GLIS3: variants seen among roughly 807,000 people sequenced by gnomAD.
GLIS3 encodes the protein zinc finger protein GLIS3.
A neutral mutation model predicts 78.6 loss-of-function variants in GLIS3; 53 were observed. The observed-to-expected ratio is 0.67, with a 90% CI of 0.54 to 0.85. The LOEUF is 0.85. Among genes scored for constraint, GLIS3 ranks in the 40% least tolerant of loss-of-function variants. GLIS3 has a pLI of 0.00. For missense variants in GLIS3, 1,703 were observed against 1,231.1 expected, an observed-to-expected ratio of 1.38 and a Z score of -5.74; for synonymous variants, 684 against 509.9, an observed-to-expected ratio of 1.34 and a Z score of -4.60.
chr9:4,404,401 C>G, the GLIS3 span, among the ~76,000 whole-genome samples: 3 of 152,070 alleles, frequency 2.0e-5, no homozygotes, highest in Admixed American at 2.0e-4. Context: ...ACATGTCATC[C>G]AACAGCTGCA....
chr9:4,015,232 G>C (rs75769391), intron 4 of GLIS3, among the ~76,000 whole-genome samples: 16 of 152,274 alleles, frequency 1.1e-4, no homozygotes, highest in African/African-American at 2.4e-4. Flanking sequence ...TGTGAGGAAG[G>C]GGGTGTTTGA....
chr9:4,333,054 T>C (rs796664577), intron 2 of GLIS3, among the ~76,000 whole-genome samples: 34 of 152,296 alleles, frequency 2.2e-4, no homozygotes, highest in Middle Eastern at 3.4e-3. Flanking sequence ...AGAACAACCT[T>C]ATGAGACAGG....
At chr9:4,055,466 A>G (rs1008480586) in intron 4 of GLIS3, among the ~76,000 whole-genome samples, 6 of 152,164 alleles carry the variant, frequency 3.9e-5, no homozygotes, top group African/African-American at 1.4e-4. Context: ...AAGATGATCA[A>G]CAGAATAAGT....
chr9:4,074,725 G>C lies in GLIS3; in HGVS notation c.1710+43043C>G, dbSNP rs73392512. Among the ~76,000 whole-genome samples the C allele has an allele frequency of 8.4e-3, 1,285 of 152,228 alleles. 19 individuals are homozygous for C. The highest frequency in any genetic ancestry group is 0.03 in the African/African-American group (1,229 of 41,524). ...TTTTCTTAGATAGCATTAACTTAAA[G>C]CAACATCATAGGACTTAATTTCATT... is the stretch of plus-strand genomic sequence containing the variant. On this transcript the variant is annotated intron_variant, in intron 4 of 10. Coordinates refer to ENST00000381971, the MANE Select transcript of GLIS3 (RefSeq NM_001042413.2).
intron 2 of GLIS3, among the ~76,000 whole-genome samples, chr9:4,158,955 A>G (rs1835252924): frequency 6.7e-6 from 1 of 148,264 alleles, no homozygotes; most frequent in African/African-American, 2.5e-5. Context: ...ACGGGGGCGG[A>G]GTCCCGGGCA....
At chr9:4,387,119 G>A in the GLIS3 span, among the ~76,000 whole-genome samples, 1,836 of 152,252 alleles carry the variant, frequency 0.012, 36 homozygotes, top group African/African-American at 0.042. Context: ...TTCAGGGAGC[G>A]GATACCTACG....
chr9:4,376,745 T>C, the GLIS3 span, among the ~76,000 whole-genome samples: 1 of 135,434 alleles, frequency 7.4e-6, no homozygotes, highest in Non-Finnish European at 1.7e-5. Context: ...TTTTAACCTA[T>C]CAAATATGAG....
intron 4 of GLIS3, chr9:4,081,209 A>G (rs974740128): frequency 6.6e-6 from 1 of 152,290 alleles, no homozygotes; most frequent in Non-Finnish European, 1.5e-5. Flanking sequence ...CAGAGCTGGT[A>G]CAAAAATGAC....
chr9:4,342,808 C>G (rs1817853681), intron 2 of GLIS3, among the ~76,000 whole-genome samples: 1 of 152,126 alleles, frequency 6.6e-6, no homozygotes. Flanking sequence ...AGATCTTTTA[C>G]CTCCCTGATT....
chr9:4,114,267 G>T (rs543115696), intron 4 of GLIS3, among the ~76,000 whole-genome samples: 1 of 152,246 alleles, frequency 6.6e-6, no homozygotes, highest in Non-Finnish European at 1.5e-5. Flanking sequence ...TCTTCAACTT[G>T]ATGGTAAAAA....
the GLIS3 span, among the ~76,000 whole-genome samples, chr9:4,370,937 G>C: frequency 6.6e-6 from 1 of 151,982 alleles, no homozygotes; most frequent in African/African-American, 2.4e-5. Flanking sequence ...TAGCATAAAA[G>C]ACTCCTATTT....
At chr9:3,906,615 G>T (rs1201325910) in intron 6 of GLIS3, among the ~76,000 whole-genome samples, 5 of 152,118 alleles carry the variant, frequency 3.3e-5, no homozygotes, top group Non-Finnish European at 1.5e-5. Flanking sequence ...CAGAGGGTGG[G>T]TTCACAGAGC....
the GLIS3 span, among the ~76,000 whole-genome samples, chr9:4,425,115 A>C: frequency 6.6e-6 from 1 of 152,138 alleles, no homozygotes. Flanking sequence ...AAGAAAAACA[A>C]GCCAGAAGGA....
Position 4,164,491 on chromosome 9 carries a change from C to T in GLIS3, c.389-38550G>A, listed in dbSNP as rs565740206. The stretch of plus-strand genomic sequence containing the variant: ...CACCCTCCAGAGAGTAGCACGGAGA[C>T]GACAGGGATAAGAGGTAGGATTAAC... On this transcript the variant is annotated intron_variant, in intron 2 of 10. Coordinates refer to ENST00000381971, the MANE Select transcript of GLIS3 (RefSeq NM_001042413.2). Among the ~76,000 whole-genome samples the T allele has an allele frequency of 7.2e-4, 110 of 152,278 alleles. 2 individuals carry two copies. Among genetic ancestry groups the T allele is most frequent in the African/African-American group, 2.5e-3 (105 of 41,546 alleles).
At chr9:4,156,200 C>G (rs991410192) in intron 2 of GLIS3, among the ~76,000 whole-genome samples, 6 of 152,134 alleles carry the variant, frequency 3.9e-5, no homozygotes, top group African/African-American at 1.4e-4. Context: ...TCTCACATGA[C>G]AAAACAAACT....
At chr9:4,385,737 AAAAGAAAGAAAG>A in the GLIS3 span, among the ~76,000 whole-genome samples, 1,022 of 54,440 alleles carry the variant, frequency 0.019, 79 homozygotes, top group African/African-American at 0.032. Context: ...GAAAGAAAGA[AAAAGAAAGAAAG>A]AAAGAAAGAA....
chr9:4,462,594 AACACACACACACAC>A, the GLIS3 span, among the ~76,000 whole-genome samples: 56 of 145,090 alleles, frequency 3.9e-4, no homozygotes, highest in South Asian at 6.8e-4. Flanking sequence ...CCATCTCTAT[AACACACACACACAC>A]ACACACACAC....
In GLIS3 at chr9:4,083,562, G is replaced by A. The variant is rs574739402; in HGVS notation, c.1710+34206C>T. ...TGAAACATTAATTTACTTTCCATAG[G>A]TCATACAGCCAATCTATAGGTAGGA... On this transcript the variant is annotated intron_variant, in intron 4 of 10. Transcript: ENST00000381971. Among the ~76,000 whole-genome samples, 7 of 152,228 alleles carry A rather than the reference G, an allele frequency of 4.6e-5. No individual in the cohort carries two copies. The South Asian group carries it at 1.5e-3, about 32-fold the overall frequency.
chr9:4,481,478 A>C, the GLIS3 span, among the ~76,000 whole-genome samples: 4 of 132,176 alleles, frequency 3.0e-5, no homozygotes, highest in African/African-American at 1.2e-4. Context: ...AGACCCCATC[A>C]AAAAATTAAT....
Sources: allele counts gnomAD v4.1 joint callset (sites outside exome capture counted in the v4.1 genomes callset), GRCh38; gene constraint gnomAD v4.1.1; transcripts MANE v1.5; gene names NCBI Gene and HGNC (gene_info 2026-07-23, HGNC 2026-07-21).